FN1: variants seen among roughly 807,000 people sequenced by gnomAD.
The protein encoded by FN1 is fibronectin 1.
FN1 carries 106 observed loss-of-function variants against 297.3 expected under a neutral mutation model. That is an observed-to-expected ratio of 0.36 (90% CI 0.30 to 0.42). The LOEUF is 0.42. Ranked by LOEUF, FN1 falls within the 10% of genes least tolerant of loss-of-function variation. The probability of loss-of-function intolerance (pLI) is 1.00; values close to 1 mark genes in which losing one functional copy is unlikely to be tolerated. For missense variants in FN1, 2,690 were observed against 3,124.9 expected, an observed-to-expected ratio of 0.86 and a Z score of 3.32; for synonymous variants, 1,149 against 1,152.6, an observed-to-expected ratio of 1.00 and a Z score of 0.06.
intron 6 of FN1, among the ~76,000 whole-genome samples, chr2:215,427,637 T>G (rs1274132031): frequency 2.0e-5 from 3 of 152,220 alleles, no homozygotes; most frequent in Non-Finnish European, 4.4e-5. Flanking sequence ...TTATAGAATG[T>G]AACAAAGTTT....
rs13306371 is a variant in FN1, at chr2:215,427,953, T to C, written c.844+227A>G. ...TTATCTTTTGGAGATAAATCTGGCT[T>C]TTTTCCCCCTAAGGTTTATTTGTAT... is the stretch of plus-strand genomic sequence containing the variant. On this transcript the variant is annotated intron_variant, in intron 6 of 45. Coordinates refer to ENST00000354785, the MANE Select transcript of FN1 (RefSeq NM_212482.4). 6.6e-3 allele frequency among the ~76,000 whole-genome samples: 1,008 copies of C among 152,298 alleles called. 61 individuals carry two copies. Among genetic ancestry groups the C allele is most frequent in the Admixed American group, 0.061 (937 of 15,290 alleles).
intron 10 of FN1, 73 bp from the exon 11 acceptor site, chr2:215,420,874 T>C: frequency 7.3e-7 from 1 of 1,368,572 alleles, no homozygotes. Context: ...GGTATGCTTC[T>C]CAAAGCATAC....
intron 7 of FN1, 44 bp downstream of exon 7, chr2:215,425,046 CTAAA>C: frequency 3.2e-6 from 5 of 1,540,962 alleles, no homozygotes; most frequent in Non-Finnish European, 4.5e-6. Context: ...CCTTCAAAAA[CTAAA>C]TAATAAAGTC....
In FN1 at chr2:215,429,297, A is replaced by G. The variant is rs75052097; in HGVS notation, c.686-959T>C. On this transcript the variant is annotated intron_variant, in intron 5 of 45. Transcript: ENST00000354785. ...TTATTCAGTGTTAGCCCTCCACTGG[A>G]AGAGTGGGATCAACATAAAATGATA... is the stretch of plus-strand genomic sequence containing the variant. 1.0e-2 allele frequency among the ~76,000 whole-genome samples: 1,519 copies of G among 152,294 alleles called. 31 individuals are homozygous for G. The highest frequency in any genetic ancestry group is 0.034 in the African/African-American group (1,427 of 41,556).
In FN1 at chr2:215,375,391, T is replaced by C; in HGVS notation, c.5980A>G (p.Ile1994Val). The C allele has an allele frequency of 1.9e-6, 3 of 1,601,130 alleles. No individual in the cohort carries two copies. The highest frequency in any genetic ancestry group is 3.3e-4 in the Middle Eastern group (2 of 6,030). The change falls in exon 38 of 46, where the codon ATT becomes GTT. Residue 1994 changes from isoleucine to valine, a missense_variant and splice_region_variant. Ile to Val is a conservative substitution (Grantham distance 29). Transcript: ENST00000354785. Reference sequence around the variant, plus strand: ...AAACGCAGGTTGGATGGTGCATCAATGGCTGAAAGAAAACAAAATTAAGTC... The same window carrying C: ...AAACGCAGGTTGGATGGTGCATCAACGGCTGAAAGAAAACAAAATTAAGTC... ...SPVVIDASTAIDAPSNLRFLA... is the reference protein window; with the variant it reads ...SPVVIDASTAVDAPSNLRFLA...
intron 35 of FN1, among the ~76,000 whole-genome samples, chr2:215,377,532 G>C (rs1463048643): frequency 6.6e-6 from 1 of 151,846 alleles, no homozygotes; most frequent in African/African-American, 2.4e-5. Context: ...GCTCCCCCTT[G>C]GCCTTCCACC....
At position 215,371,767 on chromosome 2, in the gene FN1, C is replaced by T. The variant is rs1465972429; in HGVS notation, c.6714+142G>A. 1.9e-5 allele frequency: 14 copies of T among 731,992 alleles called. No homozygotes were observed. The Admixed American group carries it at 2.8e-4, about 15-fold the overall frequency. The allele number at this position is 731,992 out of a possible 1,614,324, so 45.3% of individuals were successfully genotyped here. On this transcript the variant is annotated intron_variant, in intron 40 of 45. Coordinates refer to ENST00000354785, the MANE Select transcript of FN1 (RefSeq NM_212482.4). ...ACCTCAAATGATCCACCTGCCTCGGCCTCCCAAAGTGCTGGGATTACAGGC... is the reference window on the plus strand; with the variant it reads ...ACCTCAAATGATCCACCTGCCTCGGTCTCCCAAAGTGCTGGGATTACAGGC...
At position 215,395,114 on chromosome 2, in the gene FN1, A is replaced by G. The variant is rs148506593; in HGVS notation, c.3605-395T>C. Among the ~76,000 whole-genome samples the G allele has an allele frequency of 1.4e-4, 22 of 152,280 alleles. No homozygotes were observed. In the East Asian group the frequency reaches 4.3e-3, roughly 29 times the overall value. The stretch of plus-strand genomic sequence containing the variant: ...TTTCCTTAATGAATCATTTGAAGAC[A>G]GCTGAGGAATATTCCTTTCTACCTG... On this transcript the variant is annotated intron_variant, in intron 23 of 45. Coordinates refer to ENST00000354785, the MANE Select transcript of FN1 (RefSeq NM_212482.4).
In FN1 at chr2:215,371,987, G is replaced by T. The variant is rs2056272874; in HGVS notation, c.6636C>A (p.Ile2212=). The T allele has an allele frequency of 6.2e-7, 1 of 1,614,120 alleles. No individual in the cohort carries two copies. The highest frequency in any genetic ancestry group is 8.5e-7 in the Non-Finnish European group (1 of 1,180,054). The change falls in exon 40 of 46, where the codon ATC becomes ATA. Residue 2212 remains isoleucine (I), a synonymous_variant. Transcript: ENST00000354785. ...AAGTGTCCTGGAATGGGGCCCATGAGATGGTTGTCTGAGAGAGAGCTTCTT... is the reference window on the plus strand; with the variant it reads ...AAGTGTCCTGGAATGGGGCCCATGATATGGTTGTCTGAGAGAGAGCTTCTT... ...TGQEALSQTT[I]SWAPFQDTSE... is the part of the protein sequence containing the mutation.
chr2:215,435,681 G>A lies in FN1; in HGVS notation c.122C>T (p.Ser41Phe). ...RQAQQMVQPQ[S>F]PVAVSQSKPG... is the part of the protein sequence containing the mutation. ...CTTGCTTTGACTGACAGCCACCGGGGACTGGGGCTGAACCATTTGCTGAGC... is the reference window on the plus strand; with the variant it reads ...CTTGCTTTGACTGACAGCCACCGGGAACTGGGGCTGAACCATTTGCTGAGC... Residue 41 changes from serine (S) to phenylalanine (F), a missense_variant, in exon 1 of 46, where the codon TCC (serine) becomes TTC (phenylalanine). Transcript: ENST00000354785. The A allele has an allele frequency of 6.2e-7, 1 of 1,613,502 alleles. No individual in the cohort carries two copies. The highest frequency in any genetic ancestry group is 8.5e-7 in the Non-Finnish European group (1 of 1,179,944).
At chr2:215,375,174 G>T in intron 38 of FN1, 40 bp downstream of exon 38, 1 of 1,591,988 alleles carries the variant, frequency 6.3e-7, no homozygotes, top group Non-Finnish European at 8.6e-7. Context: ...ATGTGTCCTA[G>T]GTAGTAAGAA....
intron 5 of FN1, among the ~76,000 whole-genome samples, 175 bp from the exon 6 acceptor site, chr2:215,428,513 A>C (rs567856214): frequency 7.9e-5 from 12 of 152,364 alleles, no homozygotes; most frequent in African/African-American, 2.9e-4. Context: ...CATTTGTTAC[A>C]GTGGAAAGGC....
At chr2:215,413,072 G>A (rs1164382105) in intron 13 of FN1, among the ~76,000 whole-genome samples, 1 of 152,034 alleles carries the variant, frequency 6.6e-6, no homozygotes, top group Non-Finnish European at 1.5e-5. Context: ...CCTTAATATT[G>A]CTGCATTTTA....
At chr2:215,366,261 A>C (rs958601406) in intron 42 of FN1, among the ~76,000 whole-genome samples, 3 of 152,162 alleles carry the variant, frequency 2.0e-5, no homozygotes, top group Non-Finnish European at 2.9e-5. Context: ...AATTCTCACT[A>C]TTAAGATTTA....
intron 2 of FN1, 138 bp from the exon 3 acceptor site, chr2:215,433,599 G>A: frequency 1.1e-6 from 1 of 880,654 alleles, no homozygotes; most frequent in East Asian, 2.6e-5. Flanking sequence ...TGAAGTGAGA[G>A]ATACAGATTT....
At chr2:215,409,434 G>T in intron 15 of FN1, 129 bp downstream of exon 15, 1 of 877,958 alleles carries the variant, frequency 1.1e-6, no homozygotes, top group Non-Finnish European at 1.9e-6. Context: ...CCAGAGGGTG[G>T]TTTGTTCAGT....
At position 215,373,407 on chromosome 2, in the gene FN1, C is replaced by T. The variant is rs2056621805; in HGVS notation, c.6162G>A (p.Leu2054=). The change falls in exon 39 of 46, where the codon CTG becomes CTA. Residue 2054 remains leucine (L), a synonymous_variant. Coordinates refer to ENST00000354785, the MANE Select transcript of FN1 (RefSeq NM_212482.4). ...AAATTGTATATTCGGTTCCCGGTTC[C>T]AGGCCTGAAGGGAGAATAGAACCAT... ...PGVTEATITG[L]EPGTEYTIYV... 3.7e-6 allele frequency: 6 copies of T among 1,612,254 alleles called. No individual in the cohort carries two copies. Among genetic ancestry groups the T allele is most frequent in the Non-Finnish European group, 5.1e-6 (6 of 1,178,768 alleles).
At chr2:215,419,479 G>C in intron 11 of FN1, 94 bp from the exon 12 acceptor site, 1 of 1,078,146 alleles carries the variant, frequency 9.3e-7, no homozygotes, top group Non-Finnish European at 1.4e-6. Flanking sequence ...AGCTTAAATA[G>C]AAATTTGCAA....
rs1159146037 is a variant in FN1, at chr2:215,375,281, C to T, written c.6090G>A (p.Lys2030=). 6.2e-6 allele frequency: 10 copies of T among 1,614,046 alleles called. No individual in the cohort carries two copies. In the Admixed American group the frequency reaches 1.0e-4, roughly 16 times the overall value. Residue 2030 remains lysine (K), a synonymous_variant, in exon 38 of 46, where the codon AAG becomes AAA. Transcript: ENST00000354785. ...CCACTTCTCTGGGAGGAGACCCAGG[C>T]TTCTCATACTTGATGATGTAGCCGG... ...RITGYIIKYE[K]PGSPPREVVP... is the part of the protein sequence containing the mutation.
Sources: gnomAD v4.1 joint callset for allele counts (sites outside exome capture counted in the v4.1 genomes callset) on GRCh38, gnomAD v4.1.1 for gene constraint, MANE v1.5 for transcripts, NCBI Gene and HGNC (gene_info 2026-07-23, HGNC 2026-07-21) for gene names.